Variants in CEP55 observed in about 807,000 individuals in gnomAD.
CEP55 encodes the protein centrosomal protein 55.
A neutral mutation model predicts 63.2 loss-of-function variants in CEP55; 57 were observed. The ratio of observed to expected loss-of-function variants is 0.90; its 90% CI spans 0.73 to 1.13. The LOEUF is 1.13. Among genes scored for constraint, CEP55 ranks in the 50% most tolerant of loss-of-function variants. The probability of loss-of-function intolerance (pLI) is 0.00; values close to 1 mark genes in which losing one functional copy is unlikely to be tolerated. For missense variants in CEP55, 456 were observed against 518.9 expected (o/e 0.88, Z 1.18); for synonymous variants, 178 against 191.6 (o/e 0.93, Z 0.59).
intron 3 of CEP55, among the ~76,000 whole-genome samples, chr10:93,503,931 C>T (rs537489195): frequency 6.6e-6 from 1 of 150,576 alleles, no homozygotes; most frequent in African/African-American, 2.4e-5. Flanking sequence ...GCCTTAGAGA[C>T]AATACTAGAC....
intron 6 of CEP55, among the ~76,000 whole-genome samples, chr10:93,517,671 G>A (rs920482024): frequency 6.6e-5 from 10 of 152,240 alleles, no homozygotes; most frequent in Admixed American, 2.0e-4. Flanking sequence ...TAATGGTGAT[G>A]ATATGTGCTC....
chr10:93,520,426 CAAAAAAAA>C (rs10693521), intron 8 of CEP55: 131 of 113,596 alleles, frequency 1.2e-3, no homozygotes, highest in Non-Finnish European at 1.7e-3. Flanking sequence ...GACTCTGTCT[CAAAAAAAA>C]AAAAAAAAGA....
intron 3 of CEP55, 49 bp from the exon 4 acceptor site, chr10:93,506,939 A>G: frequency 8.5e-7 from 1 of 1,173,816 alleles, no homozygotes; most frequent in Non-Finnish European, 1.3e-6. Flanking sequence ...TAATGAGGCA[A>G]CTTCTATTGT....
intron 4 of CEP55, among the ~76,000 whole-genome samples, chr10:93,513,321 C>T (rs1011918935): frequency 2.6e-5 from 4 of 152,200 alleles, no homozygotes; most frequent in African/African-American, 9.7e-5. Flanking sequence ...AGGAGCTTTG[C>T]TCAAGAGTTT....
chr10:93,510,558 C>T (rs1344793747), intron 4 of CEP55: 3 of 152,186 alleles, frequency 2.0e-5, no homozygotes, highest in South Asian at 2.1e-4. Context: ...TATCCACAGC[C>T]GTTTAAACCC....
intron 6 of CEP55, among the ~76,000 whole-genome samples, chr10:93,517,839 A>G (rs2057820312): frequency 6.6e-6 from 1 of 152,206 alleles, no homozygotes; most frequent in Non-Finnish European, 1.5e-5. Flanking sequence ...GCCTGGCATC[A>G]TGGAAGGAAC....
In CEP55 at chr10:93,515,479, GAT is replaced by G; in HGVS notation, c.604_605del (p.Ile202LeufsTer2). On this transcript the variant is annotated frameshift_variant, in exon 5 of 9. Coordinates refer to ENST00000371485, the MANE Select transcript of CEP55 (RefSeq NM_018131.5). LOFTEE classifies it high-confidence loss of function. ...EVYVKGLLAK[I>X]FELEKKTETA... ...TCTATGTAAAAGGACTTTTAGCAAA[GAT>G]CTTTGAGTTGGAAAAGAAAACGGAA... 6.2e-7 allele frequency: 1 copy of G among 1,613,820 alleles called. No homozygotes were observed. The highest frequency in any genetic ancestry group is 8.5e-7 in the Non-Finnish European group (1 of 1,179,808).
intron 4 of CEP55, among the ~76,000 whole-genome samples, chr10:93,511,655 T>C (rs2057751177): frequency 6.6e-6 from 1 of 151,984 alleles, no homozygotes. Context: ...CAGGCTGGAG[T>C]GCAGTGGCAC....
intron 8 of CEP55, 196 bp downstream of exon 8, chr10:93,520,003 C>A: frequency 1.6e-6 from 1 of 622,908 alleles, no homozygotes; most frequent in Admixed American, 2.7e-5. Flanking sequence ...ATGATCACAT[C>A]TGGAAACATT....
In CEP55 at chr10:93,518,919, C is replaced by T; in HGVS notation, c.1036C>T (p.Gln346Ter). The T allele has an allele frequency of 6.2e-7, 1 of 1,612,888 alleles. No individual in the cohort carries two copies. The highest frequency in any genetic ancestry group is 8.5e-7 in the Non-Finnish European group (1 of 1,178,950). Residue 346 changes from glutamine to a stop codon, truncating the protein, a stop_gained, in exon 7 of 9, where the codon CAA (glutamine) becomes TAA (stop). Transcript: ENST00000371485. LOFTEE classifies it high-confidence loss of function. ...YTSLLKQQEEQTRVALLEQQM... is the reference protein window; with the variant it reads ...YTSLLKQQEE ...ATCTCTGCTAAAGCAGCAAGAAGAA[C>T]AAACAAGGGTAGCTCTGTTGGAACA...
intron 4 of CEP55, among the ~76,000 whole-genome samples, chr10:93,513,742 C>A (rs2057774062): frequency 6.6e-6 from 1 of 152,132 alleles, no homozygotes; most frequent in South Asian, 2.1e-4. Flanking sequence ...TTACTATGAG[C>A]TCTGGATTTA....
rs571877775 is a variant in CEP55 at position 93,518,682 on chromosome 10, C to T, written c.994-195C>T. Among the ~76,000 whole-genome samples, 25 of 152,178 alleles carry T rather than the reference C, an allele frequency of 1.6e-4. 1 individual carries two copies. The highest frequency in any genetic ancestry group is 1.0e-3 in the South Asian group (5 of 4,826). On this transcript the variant is annotated intron_variant, in intron 6 of 8. Coordinates refer to ENST00000371485, the MANE Select transcript of CEP55 (RefSeq NM_018131.5). Reference sequence around the variant, plus strand: ...CAGTCTGTGTGCCTCAGGGAACTCTCGGCAAGGGCGGTGGTATACTGCTTA... The same window carrying T: ...CAGTCTGTGTGCCTCAGGGAACTCTTGGCAAGGGCGGTGGTATACTGCTTA...
chr10:93,502,977 A>C, intron 2 of CEP55, 136 bp from the exon 3 acceptor site: 1 of 800,234 alleles, frequency 1.2e-6, no homozygotes, highest in Non-Finnish European at 1.9e-6. Context: ...TTGGCTTCCT[A>C]ATCTTTTTTG....
intron 4 of CEP55, among the ~76,000 whole-genome samples, chr10:93,513,969 G>A (rs2057776735): frequency 1.3e-5 from 2 of 150,348 alleles, no homozygotes; most frequent in African/African-American, 2.5e-5. Flanking sequence ...TTTTGAGACG[G>A]GGTCTCACTC....
Position 93,520,436 on chromosome 10 carries a change from A to AAG in CEP55, c.1191+630_1191+631insGA, listed in dbSNP as rs1289854909. On this transcript the variant is annotated intron_variant, in intron 8 of 8. Coordinates refer to ENST00000371485, the MANE Select transcript of CEP55 (RefSeq NM_018131.5). ...AGCAAGACTCTGTCTCAAAAAAAAA[A>AAG]AAAAAAGAAAAAGAAAAAAATGCTG... Among the ~76,000 whole-genome samples, 4 of 151,836 alleles carry AAG rather than the reference A, an allele frequency of 2.6e-5. No individual in the cohort carries two copies. In the East Asian group the frequency reaches 5.8e-4, roughly 22 times the overall value.
chr10:93,509,622 A>T (rs923368153), intron 4 of CEP55, among the ~76,000 whole-genome samples: 1 of 152,008 alleles, frequency 6.6e-6, no homozygotes, highest in African/African-American at 2.4e-5. Flanking sequence ...AGTAACAGGG[A>T]TTACAGGTGC....
chr10:93,525,499 T>C (rs1270412181), intron 8 of CEP55, among the ~76,000 whole-genome samples: 1 of 152,158 alleles, frequency 6.6e-6, no homozygotes, highest in Non-Finnish European at 1.5e-5. Context: ...ATTGTGAAAA[T>C]GGCCATACTG....
chr10:93,526,730 T>C (rs968680160), intron 8 of CEP55, among the ~76,000 whole-genome samples: 1 of 152,202 alleles, frequency 6.6e-6, no homozygotes, highest in African/African-American at 2.4e-5. Flanking sequence ...GTGGCACATA[T>C]ACACCATGGA....
intron 8 of CEP55, among the ~76,000 whole-genome samples, chr10:93,525,917 A>G (rs1446261563): frequency 6.6e-6 from 1 of 152,118 alleles, no homozygotes; most frequent in Non-Finnish European, 1.5e-5. Flanking sequence ...CCTTCCTTAC[A>G]CCTTATACAA....
Sources: allele counts gnomAD v4.1 joint callset (sites outside exome capture counted in the v4.1 genomes callset), GRCh38; gene constraint gnomAD v4.1.1; transcripts MANE v1.5; gene names NCBI Gene and HGNC (gene_info 2026-07-23, HGNC 2026-07-21).